Variants in ZNF606 observed in about 807,000 individuals in gnomAD.
The protein encoded by ZNF606 is zinc finger protein 606, also known as zinc finger protein 328.
Under a neutral mutation model 74.9 loss-of-function variants are expected in ZNF606, and 37 were observed. That is an observed-to-expected ratio of 0.49 (90% CI 0.38 to 0.65). The LOEUF (loss-of-function observed/expected upper bound fraction) is 0.65, where lower values mean the gene tolerates loss of function less well. ZNF606 is among the 30% of genes least tolerant of loss of function. The pLI, the probability that ZNF606 is intolerant of heterozygous loss-of-function variation, is 0.00. For synonymous variants in ZNF606, 328 were observed against 312.4 expected (o/e 1.05, Z -0.53); for missense variants, 852 against 952.9 (o/e 0.89, Z 1.39).
At chr19:57,988,078 A>G in intron 6 of ZNF606, 129 bp downstream of exon 6, 1 of 667,786 alleles carries the variant, frequency 1.5e-6, no homozygotes, top group South Asian at 2.5e-5. Context: ...AAAAGCAGCA[A>G]GAGAAGAAAG....
chr19:57,987,023 G>T (rs900021349), intron 6 of ZNF606, among the ~76,000 whole-genome samples: 5 of 152,112 alleles, frequency 3.3e-5, no homozygotes, highest in African/African-American at 1.2e-4. Context: ...TTGCAATGCA[G>T]AGGCTGCAGT....
chr19:57,984,408 T>A (rs1405887924), intron 6 of ZNF606, among the ~76,000 whole-genome samples: 1 of 152,154 alleles, frequency 6.6e-6, no homozygotes, highest in Admixed American at 6.5e-5. Flanking sequence ...GCTCCTGGAA[T>A]TCATGAGCTC....
intron 4 of ZNF606, chr19:57,997,355 A>G (rs2073354689): frequency 6.6e-6 from 1 of 152,252 alleles, no homozygotes; most frequent in South Asian, 2.1e-4. Flanking sequence ...ACATACTTCC[A>G]TGAATGGACT....
intron 4 of ZNF606, among the ~76,000 whole-genome samples, chr19:57,996,262 G>A (rs1462123281): frequency 1.3e-5 from 2 of 152,228 alleles, no homozygotes; most frequent in African/African-American, 4.8e-5. Context: ...AGCATTTTGA[G>A]AGGGCAAGGC....
chr19:57,980,639 T>A (rs1020805080), intron 6 of ZNF606, among the ~76,000 whole-genome samples: 1 of 151,996 alleles, frequency 6.6e-6, no homozygotes, highest in African/African-American at 2.4e-5. Flanking sequence ...ATCAAGACCA[T>A]CCTGGCTAAC....
In ZNF606 at chr19:57,988,753, G is replaced by T. The variant is rs760994615; in HGVS notation, c.178-32C>A. The stretch of plus-strand genomic sequence containing the variant: ...GAACACAAACGTTCCTTCTCAGCCT[G>T]TGACCACCCCCTCCAATATTTCCAG... On this transcript the variant is annotated intron_variant, in intron 4 of 6. Transcript: ENST00000551380. The T allele has an allele frequency of 3.1e-6, 5 of 1,613,236 alleles. No individual in the cohort carries two copies. In the South Asian group the frequency reaches 3.3e-5, roughly 11 times the overall value.
rs779142019 is a variant in ZNF606 at position 58,002,478 on chromosome 19, G to A, written c.-134C>T. On this transcript the variant is annotated 5_prime_UTR_variant, in exon 1 of 7. Transcript: ENST00000551380. Reference sequence around the variant, plus strand: ...GCCTGGGGCGTTTGGCTTTTGTCCCGCGCCGAGGTCCGGCCCAGGAGTGCG... The same window carrying A: ...GCCTGGGGCGTTTGGCTTTTGTCCCACGCCGAGGTCCGGCCCAGGAGTGCG... 1 of 454,302 alleles carries A rather than the reference G, an allele frequency of 2.2e-6. No individual in the cohort carries two copies. The highest frequency in any genetic ancestry group is 1.6e-5 in the South Asian group (1 of 64,340). The allele number at this position is 454,302 out of a possible 1,614,324, so 28.1% of individuals were successfully genotyped here.
rs773181120 is a variant in ZNF606 at position 57,978,968 on chromosome 19, G to A, written c.1712C>T (p.Thr571Ile). The A allele has an allele frequency of 4.3e-6, 7 of 1,613,954 alleles. No homozygotes were observed. In the Admixed American group the frequency reaches 5.0e-5, roughly 12 times the overall value. Residue 571 changes from threonine (T) to isoleucine (I), a missense_variant, in exon 7 of 7, where the codon ACT (threonine) becomes ATT (isoleucine). By Grantham distance (89) the Thr-to-Ile change is moderately conservative. Coordinates refer to ENST00000551380, the MANE Select transcript of ZNF606 (RefSeq NM_001348022.3). This position sits in a 1 kb window ranked among gnomAD's most constrained non-coding sequence, Gnocchi z 4.4. ...THSGAKPYKCTECGKSFSWSS... is the reference protein window; with the variant it reads ...THSGAKPYKCIECGKSFSWSS... ...CCAGCTGAAGGATTTTCCACATTCA[G>A]TACATTTATATGGTTTTGCTCCAGA... is the stretch of plus-strand genomic sequence containing the variant.
In ZNF606 at chr19:57,977,717, T is replaced by A. The variant is rs1272698964; in HGVS notation, c.*584A>T. Reference sequence around the variant, plus strand: ...ACCGTTAGTCATCTCATTCATTAATTTTCTCTAAGGAGGTTAATCAACAGT... The same window carrying A: ...ACCGTTAGTCATCTCATTCATTAATATTCTCTAAGGAGGTTAATCAACAGT... On this transcript the variant is annotated 3_prime_UTR_variant, in exon 7 of 7. Coordinates refer to ENST00000551380, the MANE Select transcript of ZNF606 (RefSeq NM_001348022.3). 1 of 152,198 alleles carries A rather than the reference T, an allele frequency of 6.6e-6. No homozygotes were observed. The highest frequency in any genetic ancestry group is 2.4e-5 in the African/African-American group (1 of 41,436). The allele number at this position is 152,198 out of a possible 1,614,324, so 9.4% of individuals were successfully genotyped here.
chr19:57,990,810 T>G (rs1029291158), intron 4 of ZNF606, among the ~76,000 whole-genome samples: 1 of 152,098 alleles, frequency 6.6e-6, no homozygotes, highest in African/African-American at 2.4e-5. Flanking sequence ...CCCCTCTACC[T>G]TCACATGATG....
Position 57,988,186 on chromosome 19 carries a change from C to T in ZNF606, c.400+21G>A, listed in dbSNP as rs1169524718. On this transcript the variant is annotated intron_variant, in intron 6 of 6. Transcript: ENST00000551380. ...AGGGCTTGGGGGGAAGTTCCTTGTT[C>T]AGCCTGGGGTCTGCCCTCACCTGGA... is the stretch of plus-strand genomic sequence containing the variant. The T allele has an allele frequency of 5.6e-6, 9 of 1,598,800 alleles. No individual in the cohort carries two copies. The Admixed American group carries it at 1.6e-4, about 28-fold the overall frequency.
intron 4 of ZNF606, 84 bp downstream of exon 4, chr19:57,999,724 T>C (rs1256548139): frequency 7.2e-7 from 1 of 1,394,378 alleles, no homozygotes; most frequent in Admixed American, 1.7e-5. Context: ...ACTCCAACTG[T>C]TGTAAACTGG....
At chr19:57,997,401 T>C (rs2123336111) in intron 4 of ZNF606, 1 of 152,360 alleles carries the variant, frequency 6.6e-6, no homozygotes, top group African/African-American at 2.4e-5. Flanking sequence ...TTTGATGTTT[T>C]CACCAGATAA....
intron 4 of ZNF606, chr19:57,998,049 G>A (rs1416795195): frequency 1.3e-5 from 2 of 152,156 alleles, no homozygotes; most frequent in Non-Finnish European, 2.9e-5. Flanking sequence ...ATTTGAGGGG[G>A]AGGCACAAAG....
chr19:57,982,491 A>G (rs1600216114), intron 6 of ZNF606, among the ~76,000 whole-genome samples: 1 of 152,184 alleles, frequency 6.6e-6, no homozygotes, highest in East Asian at 1.9e-4. Flanking sequence ...GGATGCAGAT[A>G]TCTTTGTGGG....
At position 57,980,391 on chromosome 19, in the gene ZNF606, T is replaced by C. The variant is rs1352419018; in HGVS notation, c.401-112A>G. 5 of 1,136,864 alleles carry C rather than the reference T, an allele frequency of 4.4e-6. No individual in the cohort carries two copies. The East Asian group carries it at 9.7e-5, about 22-fold the overall frequency. The allele number at this position is 1,136,864 out of a possible 1,614,324, so 70.4% of individuals were successfully genotyped here. A position where few individuals can be genotyped will look rare whatever the true frequency, so the allele number is the denominator to read the frequency against. On this transcript the variant is annotated intron_variant, in intron 6 of 6. Coordinates refer to ENST00000551380, the MANE Select transcript of ZNF606 (RefSeq NM_001348022.3). ...CAAAAACACTAGTATAAATTTGTTT[T>C]CAAGTCCAGGCTTAGAACTCAGAGA...
In ZNF606 at chr19:58,002,519, C is replaced by T. The variant is rs970561431; in HGVS notation, c.-175G>A. 2 of 434,424 alleles carry T rather than the reference C, an allele frequency of 4.6e-6. No individual in the cohort carries two copies. The highest frequency in any genetic ancestry group is 9.2e-6 in the Non-Finnish European group (2 of 216,510). 26.9% of individuals were successfully genotyped at this position (434,424 alleles called of 1,614,324 possible). ...CAGGAGTGCGCTTGGGAGCTCCCGG[C>T]GCGGCCTCGGGGACAAAGGCCCGCG... is the stretch of plus-strand genomic sequence containing the variant. On this transcript the variant is annotated 5_prime_UTR_variant, in exon 1 of 7. Transcript: ENST00000551380.
At chr19:57,988,509 G>T in intron 5 of ZNF606, 86 bp downstream of exon 5, 1 of 1,539,312 alleles carries the variant, frequency 6.5e-7, no homozygotes, top group Non-Finnish European at 8.8e-7. Flanking sequence ...CACCACCCTC[G>T]CCCCTGCAAT....
chr19:57,999,499 G>A (rs1016725934), intron 4 of ZNF606: 7 of 470,932 alleles, frequency 1.5e-5, no homozygotes, highest in East Asian at 3.2e-5. Flanking sequence ...AGCCTAAATC[G>A]GGTGCTAAAG....
Sources: gnomAD v4.1 joint callset for allele counts (sites outside exome capture counted in the v4.1 genomes callset) on GRCh38, gnomAD v4.1.1 for gene constraint, Gnocchi (gnomAD v3.1) non-coding constraint, MANE v1.5 for transcripts, NCBI Gene and HGNC (gene_info 2026-07-23, HGNC 2026-07-21) for gene names.